Variants in KIAA0513 observed in about 807,000 individuals in gnomAD.
KIAA0513 encodes uncharacterized protein KIAA0513.
KIAA0513 carries 39 observed loss-of-function variants against 56.5 expected under a neutral mutation model. The ratio of observed to expected loss-of-function variants is 0.69; its 90% CI spans 0.53 to 0.90. The LOEUF (loss-of-function observed/expected upper bound fraction) is 0.90. Ranked by LOEUF, KIAA0513 falls within the 40% of genes least tolerant of loss-of-function variation. KIAA0513 has a pLI of 0.00. For missense variants in KIAA0513, 591 were observed against 535.2 expected (o/e 1.10, Z -1.03); for synonymous variants, 268 against 215.6 (o/e 1.24, Z -2.13).
At chr16:85,078,878 G>T in intron 7 of KIAA0513, 47 bp from the exon 8 acceptor site, 1 of 1,603,582 alleles carries the variant, frequency 6.2e-7, no homozygotes, top group East Asian at 2.2e-5. Flanking sequence ...TGCCAACAGT[G>T]GGTGCGCAAC....
chr16:85,061,358 A>G lies in KIAA0513; in HGVS notation c.-172-5542A>G, dbSNP rs147833876. On this transcript the variant is annotated intron_variant, in intron 1 of 12. Coordinates refer to ENST00000683363, the MANE Select transcript of KIAA0513 (RefSeq NM_001388359.1). ...TGTAAGAGGTGAGGATGACGTGGGG[A>G]TCAGGGCCCCTGGTTCTCCAGCTGA... is the stretch of plus-strand genomic sequence containing the variant. Among the ~76,000 whole-genome samples the G allele has an allele frequency of 6.6e-3, 1,005 of 152,238 alleles. 11 individuals are homozygous for G. The highest frequency in any genetic ancestry group is 0.029 in the South Asian group (142 of 4,822).
intron 1 of KIAA0513, among the ~76,000 whole-genome samples, chr16:85,040,905 A>T (rs766421894): frequency 1.3e-5 from 2 of 152,248 alleles, no homozygotes; most frequent in Non-Finnish European, 2.9e-5. Context: ...GAAGCAAAAC[A>T]GCCGCAGAAA....
chr16:85,041,472 T>C (rs1223173430), intron 1 of KIAA0513, among the ~76,000 whole-genome samples: 1 of 152,194 alleles, frequency 6.6e-6, no homozygotes, highest in Non-Finnish European at 1.5e-5. Flanking sequence ...TCTGTATGCG[T>C]CTCTCTGGAT....
intron 1 of KIAA0513, among the ~76,000 whole-genome samples, chr16:85,030,742 T>TAA (rs56905897): frequency 4.5e-5 from 6 of 134,286 alleles, no homozygotes; most frequent in African/African-American, 1.1e-4. Context: ...AGACTCCATC[T>TAA]AAAAAAAAAA....
At chr16:85,032,540 C>T (rs1174494356) in intron 1 of KIAA0513, among the ~76,000 whole-genome samples, 2 of 152,124 alleles carry the variant, frequency 1.3e-5, no homozygotes, top group African/African-American at 4.8e-5. Flanking sequence ...GCCATGTTGG[C>T]CAGGCTGGTC....
At chr16:85,080,669 C>T (rs146662927) in intron 8 of KIAA0513, among the ~76,000 whole-genome samples, 95 of 152,216 alleles carry the variant, frequency 6.2e-4, no homozygotes, top group African/African-American at 2.2e-3. Flanking sequence ...TGGCGCATGC[C>T]TATAATCCCA....
intron 10 of KIAA0513, among the ~76,000 whole-genome samples, chr16:85,085,922 C>G (rs982870509): frequency 1.3e-5 from 2 of 152,156 alleles, no homozygotes; most frequent in African/African-American, 4.8e-5. Context: ...TCACCATGGT[C>G]CATAGCATTC....
rs939755252 is a variant in KIAA0513 at position 85,081,970 on chromosome 16, A to G, written c.980+578A>G. Among the ~76,000 whole-genome samples the G allele has an allele frequency of 3.3e-5, 5 of 152,206 alleles. No homozygotes were observed. Among genetic ancestry groups the G allele is most frequent in the African/African-American group, 1.2e-4 (5 of 41,456 alleles). On this transcript the variant is annotated intron_variant, in intron 9 of 12. Coordinates refer to ENST00000683363, the MANE Select transcript of KIAA0513 (RefSeq NM_001388359.1). The surrounding 1 kb of genome is among the most constrained non-coding windows in gnomAD (Gnocchi z 4.4). ...GCCGTCCACCATGTGCAGCGACATG[A>G]CAGCGAGGGACGGCAGCCCCTGGGG...
chr16:85,072,159 C>T lies in KIAA0513; in HGVS notation c.429+277C>T, dbSNP rs184682031. Among the ~76,000 whole-genome samples, 4 of 152,180 alleles carry T rather than the reference C, an allele frequency of 2.6e-5. No homozygotes were observed. In the East Asian group the frequency reaches 5.8e-4, roughly 22 times the overall value. On this transcript the variant is annotated intron_variant, in intron 3 of 12. Transcript: ENST00000683363. ...CTTGAGCCCAGGAGCTTGAGACCAG[C>T]TTGGGCAACATAGTGAGGTCCCCCC... is the stretch of plus-strand genomic sequence containing the variant.
At chr16:85,049,145 G>C (rs943944987) in intron 1 of KIAA0513, among the ~76,000 whole-genome samples, 1 of 152,244 alleles carries the variant, frequency 6.6e-6, no homozygotes, top group African/African-American at 2.4e-5. Context: ...ATTGCAGAGC[G>C]CCTTGGGCCC....
At position 85,091,109 on chromosome 16, in the gene KIAA0513, C is replaced by T. The variant is rs1434779722; in HGVS notation, c.*2784C>T. The T allele has an allele frequency of 3.3e-5, 5 of 152,204 alleles. No individual in the cohort carries two copies. The East Asian group carries it at 9.6e-4, about 29-fold the overall frequency. 9.4% of individuals were successfully genotyped at this position (152,204 alleles called of 1,614,324 possible). On this transcript the variant is annotated 3_prime_UTR_variant, in exon 13 of 13. Transcript: ENST00000683363. ...TTCCCAGTCCCAGCAGGCAGAATGC[C>T]CAAAACCAGGAGCACGAAGGCCTGT... is the stretch of plus-strand genomic sequence containing the variant.
Position 85,050,109 on chromosome 16 carries a change from T to C in KIAA0513, c.-172-16791T>C, listed in dbSNP as rs140195196. Among the ~76,000 whole-genome samples the C allele has an allele frequency of 1.7e-3, 260 of 151,530 alleles. 1 individual carries two copies. The highest frequency in any genetic ancestry group is 5.5e-3 in the African/African-American group (229 of 41,272). On this transcript the variant is annotated intron_variant, in intron 1 of 12. Transcript: ENST00000683363. ...AACCAACTCAGTCAATGGTGATCGC[T>C]GATGGTAAACAACCCCTCACCCTGC... is the stretch of plus-strand genomic sequence containing the variant.
chr16:85,086,451 AGC>A (rs1248884303), intron 10 of KIAA0513, among the ~76,000 whole-genome samples, 191 bp from the exon 11 acceptor site: 1 of 152,236 alleles, frequency 6.6e-6, no homozygotes, highest in African/African-American at 2.4e-5. Flanking sequence ...GGGGACCCCA[AGC>A]GCGGTGTGAG....
chr16:85,072,605 A>G (rs988604674), intron 3 of KIAA0513, among the ~76,000 whole-genome samples: 2 of 152,194 alleles, frequency 1.3e-5, no homozygotes, highest in African/African-American at 2.4e-5. Context: ...CAAATGCACA[A>G]TTTGGAAACA....
At chr16:85,054,384 C>G (rs1322463518) in intron 1 of KIAA0513, among the ~76,000 whole-genome samples, 1 of 151,338 alleles carries the variant, frequency 6.6e-6, no homozygotes, top group Non-Finnish European at 1.5e-5. Flanking sequence ...ATCTCAGTGC[C>G]ATTGAAATCT....
chr16:85,060,768 C>A (rs767449636), intron 1 of KIAA0513, among the ~76,000 whole-genome samples: 1 of 151,010 alleles, frequency 6.6e-6, no homozygotes, highest in East Asian at 1.9e-4. Flanking sequence ...CACTTGAGCA[C>A]AGGAGGTCAA....
rs771553844 is a variant in KIAA0513, at chr16:85,076,273, C to G, written c.574+359C>G. 6.6e-6 allele frequency among the ~76,000 whole-genome samples: 1 copy of G among 152,176 alleles called. No individual in the cohort carries two copies. Among genetic ancestry groups the G allele is most frequent in the Non-Finnish European group, 1.5e-5 (1 of 68,028 alleles). ...TTATCAGTTTTATGTTTTACCAAAA[C>G]AAGACGACACAGTTGGTTGTTGGAG... On this transcript the variant is annotated intron_variant, in intron 5 of 12. Coordinates refer to ENST00000683363, the MANE Select transcript of KIAA0513 (RefSeq NM_001388359.1). This position sits in a 1 kb window ranked among gnomAD's most constrained non-coding sequence, Gnocchi z 4.7.
chr16:85,053,842 A>C (rs866198018), intron 1 of KIAA0513, among the ~76,000 whole-genome samples: 8 of 152,224 alleles, frequency 5.3e-5, no homozygotes, highest in Middle Eastern at 6.8e-3. Context: ...AAATACAAAA[A>C]TTAGCTGGGC....
chr16:85,086,637 C>G lies in KIAA0513; in HGVS notation c.1011-7C>G. ...AGCCCCGCTTCTGTCACCTCCTGTGCTTGCAGGGAGAAGTGGTGCCACATG... is the reference window on the plus strand; with the variant it reads ...AGCCCCGCTTCTGTCACCTCCTGTGGTTGCAGGGAGAAGTGGTGCCACATG... On this transcript the variant is annotated splice_polypyrimidine_tract_variant and splice_region_variant and intron_variant, in intron 10 of 12. Transcript: ENST00000683363. The G allele has an allele frequency of 6.2e-7, 1 of 1,613,396 alleles. No individual in the cohort carries two copies. Among genetic ancestry groups the G allele is most frequent in the South Asian group, 1.1e-5 (1 of 90,998 alleles).
Sources: allele counts gnomAD v4.1 joint callset (sites outside exome capture counted in the v4.1 genomes callset), GRCh38; gene constraint gnomAD v4.1.1; non-coding constraint Gnocchi (gnomAD v3.1); transcripts MANE v1.5; gene names NCBI Gene and HGNC (gene_info 2026-07-23, HGNC 2026-07-21).